The following C10orf67 variants were observed in gnomAD, a reference collection of about 807,000 sequenced individuals.
The protein encoded by C10orf67 is chromosome 10 open reading frame 67.
A neutral mutation model predicts 35.6 loss-of-function variants in C10orf67; 60 were observed. The observed-to-expected ratio is 1.68, with a 90% CI of 1.37 to 2.09. C10orf67 has a LOEUF of 2.09. Among genes scored for constraint, C10orf67 ranks in the 30% most tolerant of loss-of-function variants. The probability of loss-of-function intolerance (pLI) is 0.00; values close to 1 mark genes in which losing one functional copy is unlikely to be tolerated. For missense variants in C10orf67, 474 were observed against 330.2 expected (o/e 1.44, Z -3.38); for synonymous variants, 167 against 115.8 (o/e 1.44, Z -2.84).
At position 23,318,994 on chromosome 10, in the gene C10orf67, C is replaced by G. The variant is rs565024177; in HGVS notation, c.546+1747G>C. On this transcript the variant is annotated intron_variant, in intron 4 of 15. Coordinates refer to ENST00000636213, the MANE Select transcript of C10orf67 (RefSeq NM_001371909.1). Reference sequence around the variant, plus strand: ...AAAGAAAGGGTCTTCCATGAGAACCCTTTTTTTTCTTTCCAATTTTTGTTT... The same window carrying G: ...AAAGAAAGGGTCTTCCATGAGAACCGTTTTTTTTCTTTCCAATTTTTGTTT... 12 of 717,658 alleles carry G rather than the reference C, an allele frequency of 1.7e-5. No individual in the cohort carries two copies. The South Asian group carries it at 1.8e-4, about 11-fold the overall frequency. The allele number at this position is 717,658 out of a possible 1,614,324, so 44.5% of individuals were successfully genotyped here. A position where few individuals can be genotyped will look rare whatever the true frequency, so the allele number is the denominator to read the frequency against.
At chr10:23,226,357 T>G (rs1841741530) in intron 13 of C10orf67, among the ~76,000 whole-genome samples, 3 of 152,030 alleles carry the variant, frequency 2.0e-5, no homozygotes, top group African/African-American at 7.2e-5. Flanking sequence ...CATAACAAAA[T>G]GAAGGCAGAA....
intron 15 of C10orf67, among the ~76,000 whole-genome samples, chr10:23,216,514 A>G (rs1841434917): frequency 6.6e-6 from 1 of 152,126 alleles, no homozygotes; most frequent in African/African-American, 2.4e-5. Context: ...CCTCTCACAC[A>G]TATACACTAT....
intron 5 of C10orf67, among the ~76,000 whole-genome samples, chr10:23,294,484 T>C: frequency 6.6e-6 from 1 of 152,090 alleles, no homozygotes; most frequent in East Asian, 1.9e-4. Context: ...ACGGACAGCA[T>C]GGAAACCTGA....
At chr10:23,215,292 G>T (rs927867366) in intron 15 of C10orf67, among the ~76,000 whole-genome samples, 6 of 151,340 alleles carry the variant, frequency 4.0e-5, no homozygotes, top group African/African-American at 1.2e-4. Flanking sequence ...TCAAAGAAGA[G>T]ATATCTTTTT....
chr10:23,223,599 T>G lies in C10orf67; in HGVS notation c.1569A>C (p.Lys523Asn), dbSNP rs1301547313. ...SDQAALQLSP[K>N]GKLSESPKEE... The stretch of plus-strand genomic sequence containing the variant: ...ATTTCCAACAATAATGATTCTTACC[T>G]TTTGGTGAAAGTTGAAGGGCTGCCT... The change falls in exon 15 of 16, where the codon AAA (lysine) becomes AAC (asparagine). Residue 523 changes from lysine to asparagine, a missense_variant and splice_region_variant. Physicochemically the swap from Lys to Asn is moderately conservative, Grantham distance 94. Coordinates refer to ENST00000636213, the MANE Select transcript of C10orf67 (RefSeq NM_001371909.1). 1.8e-5 allele frequency: 13 copies of G among 717,456 alleles called. No individual in the cohort carries two copies. The East Asian group carries it at 3.5e-4, about 19-fold the overall frequency. 44.4% of individuals were successfully genotyped at this position (717,456 alleles called of 1,614,324 possible).
chr10:23,268,723 T>C (rs978020154), intron 8 of C10orf67, among the ~76,000 whole-genome samples: 10 of 152,246 alleles, frequency 6.6e-5, no homozygotes, highest in African/African-American at 2.4e-4. Flanking sequence ...TTAGGCAATT[T>C]TATCATGTGC....
At chr10:23,263,042 C>T (rs1172510195) in intron 10 of C10orf67, among the ~76,000 whole-genome samples, 2 of 152,114 alleles carry the variant, frequency 1.3e-5, no homozygotes, top group African/African-American at 4.8e-5. Flanking sequence ...CCTTTGACAA[C>T]CTCTGAAGAC....
chr10:23,228,657 C>A (rs1189246872), intron 13 of C10orf67, among the ~76,000 whole-genome samples: 1 of 151,980 alleles, frequency 6.6e-6, no homozygotes, highest in East Asian at 1.9e-4. Context: ...CAGGCAACCA[C>A]AAAATGGGAG....
intron 15 of C10orf67, 69 bp from the exon 16 acceptor site, chr10:23,204,324 C>G (rs1841100787): frequency 1.1e-5 from 5 of 469,152 alleles, no homozygotes; most frequent in Admixed American, 7.7e-5. Flanking sequence ...ACTTCCCACT[C>G]TTCCCCCAAA....
rs1403479032 is a variant in C10orf67 at position 23,203,570 on chromosome 10, C to T, written c.*603G>A. On this transcript the variant is annotated 3_prime_UTR_variant, in exon 16 of 16. Coordinates refer to ENST00000636213, the MANE Select transcript of C10orf67 (RefSeq NM_001371909.1). Reference sequence around the variant, plus strand: ...TTTTGGTAAACGGTGTCTGGCATTCCAGCAGAATCTTGGTTTGCATCCTTA... The same window carrying T: ...TTTTGGTAAACGGTGTCTGGCATTCTAGCAGAATCTTGGTTTGCATCCTTA... 1 of 152,182 alleles carries T rather than the reference C, an allele frequency of 6.6e-6. No individual in the cohort carries two copies. Among genetic ancestry groups the T allele is most frequent in the Non-Finnish European group, 1.5e-5 (1 of 68,032 alleles). The allele number at this position is 152,182 out of a possible 1,614,324, so 9.4% of individuals were successfully genotyped here.
At chr10:23,286,602 AAGGAAAGGAGGGAGGGAGGG>A (rs1177575092) in intron 7 of C10orf67, among the ~76,000 whole-genome samples, 1,439 of 99,880 alleles carry the variant, frequency 0.014, 26 homozygotes, top group African/African-American at 0.053. Context: ...GGGAGGGAGG[AAGGAAAGGAGGGAGGGAGGG>A]AGGAAAGGAG....
At chr10:23,218,612 T>C (rs962530168) in intron 15 of C10orf67, among the ~76,000 whole-genome samples, 1 of 152,064 alleles carries the variant, frequency 6.6e-6, no homozygotes, top group African/African-American at 2.4e-5. Flanking sequence ...CCTAGAAATA[T>C]AAAATTTGAA....
Position 23,344,584 on chromosome 10 carries a change from A to G in C10orf67, c.191T>C (p.Met64Thr). Reference protein sequence around the residue: ...REAREFKPPQMRGSTRLNISD... With the variant: ...REAREFKPPQTRGSTRLNISD... ...CTCAGCCTACCTCGTGGACCCGCGC[A>G]TTTGCGGGGGCTTGAATTCCCGAGC... The change falls in exon 1 of 16, where the codon ATG becomes ACG. Residue 64 changes from methionine (M) to threonine (T), a missense_variant. Physicochemically the swap from Met to Thr is moderately conservative, Grantham distance 81 (BLOSUM62 -1). Transcript: ENST00000636213. 1 of 1,577,770 alleles carries G rather than the reference A, an allele frequency of 6.3e-7. No homozygotes were observed. Among genetic ancestry groups the G allele is most frequent in the Non-Finnish European group, 8.6e-7 (1 of 1,162,790 alleles).
At chr10:23,202,072 G>C (rs1429481478), downstream of C10orf67, 1 of 152,226 alleles carries the variant, frequency 6.6e-6, no homozygotes, top group Non-Finnish European at 1.5e-5. Context: ...TCTAGCTGGA[G>C]CTGAATAACT....
chr10:23,271,389 A>G (rs963852765), intron 8 of C10orf67, among the ~76,000 whole-genome samples: 1 of 152,232 alleles, frequency 6.6e-6, no homozygotes, highest in Admixed American at 6.5e-5. Context: ...TTTGTGACCC[A>G]AGACTTTGTG....
At chr10:23,332,608 C>A (rs1218724438) in intron 2 of C10orf67, among the ~76,000 whole-genome samples, 3 of 151,094 alleles carry the variant, frequency 2.0e-5, no homozygotes, top group African/African-American at 7.3e-5. Flanking sequence ...CACCTGAATC[C>A]TGGAGGTGGC....
In C10orf67 at chr10:23,266,300, T is replaced by C; in HGVS notation, c.1162A>G (p.Lys388Glu). The C allele has an allele frequency of 2.5e-6, 1 of 398,636 alleles. No individual in the cohort carries two copies. The highest frequency in any genetic ancestry group is 4.4e-6 in the Non-Finnish European group (1 of 226,096). 24.7% of individuals were successfully genotyped at this position (398,636 alleles called of 1,614,324 possible). The change falls in exon 10 of 16, where the codon AAA becomes GAA. Residue 388 changes from lysine to glutamate, a missense_variant. Coordinates refer to ENST00000636213, the MANE Select transcript of C10orf67 (RefSeq NM_001371909.1). ...SVSSAGAQKA[K>E]MPKKALKEDQ... Reference sequence around the variant, plus strand: ...TCCTTTAAAGCCTTCTTTGGCATTTTAGCTTTCTGGGCCCCAGCAGATGAT... The same window carrying C: ...TCCTTTAAAGCCTTCTTTGGCATTTCAGCTTTCTGGGCCCCAGCAGATGAT...
At chr10:23,259,545 G>A (rs2132178965) in intron 10 of C10orf67, among the ~76,000 whole-genome samples, 1 of 152,172 alleles carries the variant, frequency 6.6e-6, no homozygotes. Flanking sequence ...ATCTATCGTT[G>A]GGAGACAAAG....
intron 4 of C10orf67, among the ~76,000 whole-genome samples, chr10:23,315,588 G>T (rs1305266366): frequency 6.6e-6 from 1 of 151,962 alleles, no homozygotes; most frequent in Non-Finnish European, 1.5e-5. Context: ...CTAGGCGCAT[G>T]TCCCCATGCC....
Sources: gnomAD v4.1 joint callset for allele counts (sites outside exome capture counted in the v4.1 genomes callset) on GRCh38, gnomAD v4.1.1 for gene constraint, MANE v1.5 for transcripts, NCBI Gene and HGNC (gene_info 2026-07-23, HGNC 2026-07-21) for gene names.